The following OPCML variants were observed in gnomAD, a reference collection of about 807,000 sequenced individuals.
OPCML encodes opioid-binding protein/cell adhesion molecule.
OPCML carries 13 observed loss-of-function variants against 37.8 expected under a neutral mutation model. That is an observed-to-expected ratio of 0.34 (90% CI 0.22 to 0.55). OPCML has a LOEUF of 0.55. Among genes scored for constraint, OPCML ranks in the 20% least tolerant of loss-of-function variants. The pLI is 0.91. For missense variants in OPCML, 341 were observed against 435.6 expected, an observed-to-expected ratio of 0.78 and a Z score of 1.93; for synonymous variants, 176 against 168.8, an observed-to-expected ratio of 1.04 and a Z score of -0.33.
At chr11:132,771,558 C>A (rs191130293) in intron 2 of OPCML, 2 of 152,174 alleles carry the variant, frequency 1.3e-5, no homozygotes, top group Non-Finnish European at 2.9e-5. Flanking sequence ...AGAGCCCCCA[C>A]GAGGCTCCCA....
At chr11:132,625,296 A>G (rs1411106353) in intron 3 of OPCML, among the ~76,000 whole-genome samples, 5 of 152,094 alleles carry the variant, frequency 3.3e-5, no homozygotes, top group African/African-American at 1.2e-4. Flanking sequence ...GAAAAGGAGC[A>G]CCAATGTAGT....
intron 2 of OPCML, among the ~76,000 whole-genome samples, chr11:132,902,484 C>T (rs1944097627): frequency 6.6e-6 from 1 of 152,144 alleles, no homozygotes; most frequent in Admixed American, 6.5e-5. Flanking sequence ...ATTGCCCCAA[C>T]CAAAGGACTC....
chr11:132,651,526 G>A (rs1941427407), intron 3 of OPCML, among the ~76,000 whole-genome samples: 1 of 152,224 alleles, frequency 6.6e-6, no homozygotes, highest in Non-Finnish European at 1.5e-5. Flanking sequence ...TGGGTAAGTT[G>A]TTAATCTTTC....
chr11:133,247,540 T>TTTCTTTCTTTCTTTCTTTCTTTC (rs1940971842), intron 1 of OPCML, among the ~76,000 whole-genome samples: 6 of 122,408 alleles, frequency 4.9e-5, no homozygotes, highest in African/African-American at 1.3e-4. Context: ...CTTTCCTTCT[T>TTTCTTTCTTTCTTTCTTTCTTTC]TTTCTTTCTT....
At chr11:133,491,597 T>C (rs931953872) in intron 1 of OPCML, among the ~76,000 whole-genome samples, 1 of 152,178 alleles carries the variant, frequency 6.6e-6, no homozygotes, top group Non-Finnish European at 1.5e-5. Flanking sequence ...GGGTAAAAAG[T>C]ACCCATAAGC....
At chr11:132,813,344 G>A (rs11223223) in intron 2 of OPCML, among the ~76,000 whole-genome samples, 49,835 of 151,944 alleles carry the variant, frequency 0.33, 8,644 homozygotes, top group Admixed American at 0.41. Flanking sequence ...ATATTTTTCC[G>A]TCAAAAGAGT....
chr11:132,870,881 C>A (rs77260093), intron 2 of OPCML, among the ~76,000 whole-genome samples: 1,676 of 152,084 alleles, frequency 0.011, 37 homozygotes, highest in African/African-American at 0.037. Context: ...ATGGTGGTTG[C>A]CAGTGGTTAC....
intron 1 of OPCML, among the ~76,000 whole-genome samples, chr11:133,502,300 C>A (rs1463833082): frequency 2.0e-5 from 3 of 152,210 alleles, no homozygotes; most frequent in Non-Finnish European, 4.4e-5. Context: ...CCTCTCCTGC[C>A]CCCACCCTGC....
chr11:132,619,851 C>CAAAAA (rs34927802), intron 3 of OPCML, among the ~76,000 whole-genome samples: 1 of 112,888 alleles, frequency 8.9e-6, no homozygotes, highest in South Asian at 3.1e-4. Context: ...GACTCCATGT[C>CAAAAA]AAAAAAAAAA....
chr11:133,356,244 C>A (rs1341411336), intron 1 of OPCML, among the ~76,000 whole-genome samples: 2 of 152,018 alleles, frequency 1.3e-5, no homozygotes, highest in African/African-American at 2.4e-5. Context: ...TTTAAAGTGC[C>A]CAGGTTGGAA....
intron 4 of OPCML, among the ~76,000 whole-genome samples, chr11:132,454,487 C>T (rs929887838): frequency 2.0e-5 from 3 of 152,170 alleles, no homozygotes; most frequent in Admixed American, 6.5e-5. Flanking sequence ...CACTATCCTG[C>T]GGTAACAGCC....
Position 132,529,185 on chromosome 11 carries a change from A to T in OPCML, c.381T>A (p.Val127=), listed in dbSNP as rs559144241. Residue 127 remains valine (V), a splice_region_variant and synonymous_variant, in exon 4 of 8, where the codon GTT becomes GTA. Transcript: ENST00000524381. ...KTSRVHLIVQ[V]PPQIMNISSD... is the part of the protein sequence containing the mutation. ...AGGAGATATTCATGATCTGAGGAGGAACTGTAAGGAAACAGGATAGAAGAA... is the reference window on the plus strand; with the variant it reads ...AGGAGATATTCATGATCTGAGGAGGTACTGTAAGGAAACAGGATAGAAGAA... The T allele has an allele frequency of 6.2e-7, 1 of 1,608,524 alleles. No homozygotes were observed. Among genetic ancestry groups the T allele is most frequent in the South Asian group, 1.1e-5 (1 of 89,570 alleles).
At chr11:132,869,088 A>G (rs115436318) in intron 2 of OPCML, among the ~76,000 whole-genome samples, 354 of 152,274 alleles carry the variant, frequency 2.3e-3, no homozygotes, top group African/African-American at 7.9e-3. Flanking sequence ...CAAAAGCACC[A>G]CTGGGGGAGA....
chr11:132,532,030 C>T (rs905058712), intron 3 of OPCML, among the ~76,000 whole-genome samples: 1 of 152,148 alleles, frequency 6.6e-6, no homozygotes, highest in Non-Finnish European at 1.5e-5. Context: ...GGATAGAACT[C>T]AGCACAGCCA....
chr11:133,160,311 A>G (rs1351989463), intron 1 of OPCML, among the ~76,000 whole-genome samples: 1 of 152,170 alleles, frequency 6.6e-6, no homozygotes, highest in African/African-American at 2.4e-5. Context: ...TATAATAATA[A>G]TTGAGCACTT....
chr11:133,016,981 C>G lies in OPCML; in HGVS notation c.62-73971G>C, dbSNP rs373682940. Among the ~76,000 whole-genome samples the G allele has an allele frequency of 2.0e-5, 3 of 152,158 alleles. No homozygotes were observed. In the East Asian group the frequency reaches 5.8e-4, roughly 29 times the overall value. ...CTCTGAAATATGTGTTTTTAACAAG[C>G]TGTAACTTTTCTCAGGCTGTGAACT... On this transcript the variant is annotated intron_variant, in intron 1 of 7. Transcript: ENST00000524381.
intron 1 of OPCML, among the ~76,000 whole-genome samples, chr11:133,147,572 C>T (rs1592049252): frequency 6.6e-6 from 1 of 152,208 alleles, no homozygotes; most frequent in African/African-American, 2.4e-5. Context: ...AGAATGCTTA[C>T]CTGGGATCGA....
At chr11:133,030,314 T>C (rs1434497545) in intron 1 of OPCML, among the ~76,000 whole-genome samples, 1 of 152,192 alleles carries the variant, frequency 6.6e-6, no homozygotes, top group Non-Finnish European at 1.5e-5. Flanking sequence ...TAACAATGTA[T>C]GCCTCACGTC....
At chr11:133,361,653 G>C (rs916963918) in intron 1 of OPCML, 3 of 160,440 alleles carry the variant, frequency 1.9e-5, no homozygotes, top group African/African-American at 4.9e-5. Context: ...AGCTATCCCG[G>C]GGCGCCTGCA....
Sources: gnomAD v4.1 joint callset for allele counts (sites outside exome capture counted in the v4.1 genomes callset) on GRCh38, gnomAD v4.1.1 for gene constraint, MANE v1.5 for transcripts, NCBI Gene and HGNC (gene_info 2026-07-23, HGNC 2026-07-21) for gene names.